The following SLC25A21 variants were observed in gnomAD, a reference collection of about 807,000 sequenced individuals.
SLC25A21 encodes solute carrier family 25 member 21.
In SLC25A21, 47 loss-of-function variants were observed where a neutral mutation model predicts 43.8. That is an observed-to-expected ratio of 1.07 (90% CI 0.85 to 1.37). The LOEUF (loss-of-function observed/expected upper bound fraction) is 1.37, where lower values mean the gene tolerates loss of function less well. SLC25A21 is among the 40% of genes most tolerant of loss of function. The pLI is 0.00. For missense variants in SLC25A21, 352 were observed against 350.2 expected (o/e 1.00, Z -0.04); for synonymous variants, 131 against 121.3 (o/e 1.08, Z -0.52).
intron 1 of SLC25A21, among the ~76,000 whole-genome samples, chr14:37,124,938 T>C (rs975499196): frequency 6.6e-6 from 1 of 152,234 alleles, no homozygotes; most frequent in Non-Finnish European, 1.5e-5. Context: ...CAGAAGTAGA[T>C]GCTGCCATGC....
intron 1 of SLC25A21, among the ~76,000 whole-genome samples, chr14:37,100,444 T>A (rs1038438198): frequency 3.3e-5 from 5 of 152,204 alleles, no homozygotes; most frequent in African/African-American, 7.2e-5. Flanking sequence ...AATCATGTGT[T>A]CAGGGTTATT....
At chr14:36,748,363 A>G (rs1385655858) in intron 3 of SLC25A21, among the ~76,000 whole-genome samples, 3 of 152,202 alleles carry the variant, frequency 2.0e-5, no homozygotes, top group African/African-American at 7.2e-5. Context: ...TTTGTCATTC[A>G]GTCCTCTGCA....
intron 1 of SLC25A21, among the ~76,000 whole-genome samples, chr14:37,094,133 T>C (rs1017051187): frequency 7.2e-5 from 11 of 152,228 alleles, no homozygotes; most frequent in African/African-American, 2.4e-4. Context: ...ATAACATTGC[T>C]ACATCATAGC....
chr14:37,074,000 A>G (rs1418249263), intron 1 of SLC25A21, among the ~76,000 whole-genome samples: 1 of 143,500 alleles, frequency 7.0e-6, no homozygotes, highest in Admixed American at 6.6e-5. Flanking sequence ...AGGTCCAGAA[A>G]TTCACCTTGT....
intron 1 of SLC25A21, among the ~76,000 whole-genome samples, chr14:36,968,209 A>G (rs1017715941): frequency 6.6e-6 from 1 of 152,222 alleles, no homozygotes; most frequent in African/African-American, 2.4e-5. Flanking sequence ...AAGATCAAGC[A>G]AACTCTAAAG....
intron 1 of SLC25A21, among the ~76,000 whole-genome samples, chr14:37,023,307 A>C (rs1189768521): frequency 3.3e-5 from 5 of 152,002 alleles, no homozygotes; most frequent in Admixed American, 6.6e-5. Context: ...CTTCAGATTA[A>C]ATTTTTTAAA....
intron 1 of SLC25A21, among the ~76,000 whole-genome samples, chr14:36,995,149 C>A (rs1478138291): frequency 6.6e-6 from 1 of 152,074 alleles, no homozygotes; most frequent in African/African-American, 2.4e-5. Flanking sequence ...TGAAGTGGTG[C>A]TGACTTATCC....
chr14:36,678,328 TTGAA>T lies in SLC25A21; in HGVS notation c.*2326_*2329del. Reference sequence around the variant, plus strand: ...GACAGCAGATATCTTATAGAGAGCTTTGAACTGCATTTATTTCTAAAGCAACCGA... The same window carrying T: ...GACAGCAGATATCTTATAGAGAGCTTCTGCATTTATTTCTAAAGCAACCGA... On this transcript the variant is annotated 3_prime_UTR_variant, in exon 10 of 10. Coordinates refer to ENST00000331299, the MANE Select transcript of SLC25A21 (RefSeq NM_030631.4). 1 of 660,270 alleles carries T rather than the reference TTGAA, an allele frequency of 1.5e-6. No homozygotes were observed. Among genetic ancestry groups the T allele is most frequent in the South Asian group, 1.9e-5 (1 of 51,348 alleles). The allele number at this position is 660,270 out of a possible 1,614,324, so 40.9% of individuals were successfully genotyped here. A position where few individuals can be genotyped will look rare whatever the true frequency, so the allele number is the denominator to read the frequency against.
At chr14:37,140,128 T>C (rs1242947102) in intron 1 of SLC25A21, among the ~76,000 whole-genome samples, 2 of 152,232 alleles carry the variant, frequency 1.3e-5, no homozygotes, top group African/African-American at 4.8e-5. Context: ...AAACTGTAAC[T>C]GTAGGTGGTA....
At chr14:37,113,997 T>C (rs879555914) in intron 1 of SLC25A21, among the ~76,000 whole-genome samples, 3 of 152,338 alleles carry the variant, frequency 2.0e-5, no homozygotes, top group Admixed American at 2.0e-4. Flanking sequence ...TTGAATAATC[T>C]GGGTAATTAA....
rs372286139 is a variant in SLC25A21, at chr14:37,167,395, G to A, written c.70+4886C>T. ...ACTGCCATTGCAAAATTGTAACTGA[G>A]ACAGTGAAATAAATCTGACCTAAGC... On this transcript the variant is annotated intron_variant, in intron 1 of 9. Transcript: ENST00000331299. 2.6e-5 allele frequency among the ~76,000 whole-genome samples: 4 copies of A among 152,290 alleles called. No homozygotes were observed. In the South Asian group the frequency reaches 8.3e-4, roughly 32 times the overall value.
chr14:37,154,151 T>C (rs1963806398), intron 1 of SLC25A21, among the ~76,000 whole-genome samples: 1 of 152,100 alleles, frequency 6.6e-6, no homozygotes, highest in South Asian at 2.1e-4. Flanking sequence ...AACCCACCAC[T>C]GTCATCACTG....
intron 6 of SLC25A21, among the ~76,000 whole-genome samples, chr14:36,724,064 A>G (rs976117193): frequency 6.6e-6 from 1 of 152,222 alleles, no homozygotes; most frequent in African/African-American, 2.4e-5. Flanking sequence ...AAGCCATTTG[A>G]AAAATGTTTC....
At chr14:36,779,966 T>C (rs1012071772) in intron 3 of SLC25A21, among the ~76,000 whole-genome samples, 1 of 151,978 alleles carries the variant, frequency 6.6e-6, no homozygotes, top group Non-Finnish European at 1.5e-5. Context: ...TGGAGTTACT[T>C]TCTCCTCTTT....
intron 1 of SLC25A21, among the ~76,000 whole-genome samples, chr14:37,000,536 C>T (rs1189514648): frequency 6.6e-6 from 1 of 152,148 alleles, no homozygotes; most frequent in African/African-American, 2.4e-5. Context: ...CAAGGCCTTA[C>T]ATTCACTGCT....
chr14:37,101,715 C>A (rs1297202440), intron 1 of SLC25A21, among the ~76,000 whole-genome samples: 1 of 152,004 alleles, frequency 6.6e-6, no homozygotes, highest in Admixed American at 6.6e-5. Flanking sequence ...GAATATAGAA[C>A]CATGTATATG....
At chr14:37,063,398 G>A (rs13329062) in intron 1 of SLC25A21, among the ~76,000 whole-genome samples, 3,976 of 152,154 alleles carry the variant, frequency 0.026, 69 homozygotes, top group Middle Eastern at 0.048. Flanking sequence ...TATTCGGGAG[G>A]CTGAGGCAGG....
intron 1 of SLC25A21, among the ~76,000 whole-genome samples, chr14:36,930,274 T>C (rs1258810975): frequency 6.6e-6 from 1 of 152,130 alleles, no homozygotes; most frequent in Admixed American, 6.5e-5. Context: ...AATAAAACAT[T>C]AGTCAGGTTT....
chr14:36,896,977 T>C (rs1891259315), intron 1 of SLC25A21, among the ~76,000 whole-genome samples: 1 of 152,210 alleles, frequency 6.6e-6, no homozygotes, highest in Admixed American at 6.5e-5. Context: ...TAACATTTTT[T>C]ACTTCATTTC....
Sources: allele counts gnomAD v4.1 joint callset (sites outside exome capture counted in the v4.1 genomes callset), GRCh38; gene constraint gnomAD v4.1.1; transcripts MANE v1.5; gene names NCBI Gene and HGNC (gene_info 2026-07-23, HGNC 2026-07-21).